Variants in CUBN observed in about 807,000 individuals in gnomAD.
CUBN encodes cubilin, also known as 460 kDa receptor.
In CUBN, 282 loss-of-function variants were observed where a neutral mutation model predicts 405.3. The ratio of observed to expected loss-of-function variants is 0.70; its 90% CI spans 0.63 to 0.77. The LOEUF (loss-of-function observed/expected upper bound fraction) is 0.77, where lower values mean the gene tolerates loss of function less well. Among genes scored for constraint, CUBN ranks in the 30% least tolerant of loss-of-function variants. The probability of loss-of-function intolerance (pLI) is 0.00; values close to 1 mark genes in which losing one functional copy is unlikely to be tolerated. For synonymous variants in CUBN, 1,684 were observed against 1,617.0 expected (o/e 1.04, Z -0.99); for missense variants, 4,514 against 4,475.2 (o/e 1.01, Z -0.25).
intron 54 of CUBN, among the ~76,000 whole-genome samples, chr10:16,896,239 C>T (rs780816): frequency 0.71 from 108,638 of 152,008 alleles, 39,607 homozygotes; most frequent in East Asian, 0.85. Flanking sequence ...ATTGTATGTA[C>T]ACATATTTTT....
chr10:17,125,672 G>A (rs1253585578), intron 4 of CUBN, among the ~76,000 whole-genome samples: 1 of 152,154 alleles, frequency 6.6e-6, no homozygotes, highest in Non-Finnish European at 1.5e-5. Flanking sequence ...GGACTGTGGT[G>A]GCCAGAGAGC....
rs1331955473 is a variant in CUBN at position 17,068,266 on chromosome 10, G to C, written c.2806C>G (p.Leu936Val). 1.2e-6 allele frequency: 2 copies of C among 1,613,578 alleles called. No homozygotes were observed. Residue 936 changes from leucine to valine, a missense_variant, in exon 21 of 67, where the codon CTT becomes GTT. Leu to Val is a conservative substitution (Grantham distance 32). Transcript: ENST00000377833. ...SAEDLACGEI[L>V]TESTGTIQSP... ...TGAATGGTCCCTGTTGATTCTGTAA[G>C]AATTTCTCCACATGCTGTTGAAATA...
Position 17,100,085 on chromosome 10 carries a change from T to C in CUBN, c.1685A>G (p.Asn562Ser), listed in dbSNP as rs141475297. The C allele has an allele frequency of 2.1e-5, 34 of 1,613,982 alleles. No homozygotes were observed. Among genetic ancestry groups the C allele is most frequent in the Admixed American group, 1.5e-4 (9 of 60,008 alleles). ...AGAATAGAGATGAAAATAGAGAGCA[T>C]TGTCACTGCTGAGGAGTTCATGAGG... ...SLPHELLSSD[N>S]ALYFHLYSEH... Residue 562 changes from asparagine (N) to serine (S), a missense_variant, in exon 14 of 67, where the codon AAT becomes AGT. Asn to Ser is a conservative substitution (Grantham distance 46). Around this residue, in one of 5 missense-constraint regions of CUBN, gnomAD observed 1,448 missense variants for 1,388.0 expected, o/e 1.04. Coordinates refer to ENST00000377833, the MANE Select transcript of CUBN (RefSeq NM_001081.4).
chr10:16,940,571 A>G (rs1485807682), intron 36 of CUBN, among the ~76,000 whole-genome samples: 2 of 152,246 alleles, frequency 1.3e-5, no homozygotes, highest in African/African-American at 4.8e-5. Context: ...AAGCAGAGGC[A>G]TCATATTTGA....
chr10:17,051,587 C>A (rs1249911860), intron 22 of CUBN, among the ~76,000 whole-genome samples: 1 of 150,350 alleles, frequency 6.7e-6, no homozygotes. Flanking sequence ...AAATTTTGGC[C>A]CAAAAAGGGA....
At chr10:17,102,254 T>C (rs763221788) in intron 13 of CUBN, among the ~76,000 whole-genome samples, 1 of 32,478 alleles carries the variant, frequency 3.1e-5, no homozygotes, top group Admixed American at 2.2e-4. Context: ...AGGATCCTCC[T>C]ATTTATTTAT....
chr10:16,900,902 G>A (rs779005681), intron 52 of CUBN, 52 bp from the exon 53 acceptor site: 12 of 1,179,254 alleles, frequency 1.0e-5, no homozygotes, highest in East Asian at 9.9e-5. Context: ...CAACTGTTAC[G>A]AAGATAAGGC....
chr10:16,937,512 C>T, intron 39 of CUBN, 80 bp downstream of exon 39: 2 of 1,204,016 alleles, frequency 1.7e-6, no homozygotes, highest in Middle Eastern at 2.3e-4. Context: ...TATATCTGAC[C>T]CCTGTTATGA....
chr10:16,991,810 A>C (rs897497017), intron 28 of CUBN, among the ~76,000 whole-genome samples: 2 of 152,188 alleles, frequency 1.3e-5, no homozygotes, highest in African/African-American at 2.4e-5. Flanking sequence ...AAACTAGTTC[A>C]ACCATTGTGG....
Position 17,071,883 on chromosome 10 carries a change from C to T in CUBN, c.2390G>A (p.Arg797Lys). 6.2e-7 allele frequency: 1 copy of T among 1,613,206 alleles called. No homozygotes were observed. The highest frequency in any genetic ancestry group is 8.5e-7 in the Non-Finnish European group (1 of 1,179,680). ...TTCAACAGAAGCATCTATTTTAAAC[C>T]TGATCCAGACACTATTAGTAATGGA... is the stretch of plus-strand genomic sequence containing the variant. ...IKSITNSVWI[R>K]FKIDASVEKA... Residue 797 changes from arginine to lysine, a missense_variant, in exon 18 of 67, where the codon AGG (arginine) becomes AAG (lysine). Arg to Lys is a conservative substitution (Grantham distance 26). Coordinates refer to ENST00000377833, the MANE Select transcript of CUBN (RefSeq NM_001081.4).
At chr10:16,951,162 C>T (rs1441095229) in intron 33 of CUBN, among the ~76,000 whole-genome samples, 1 of 152,172 alleles carries the variant, frequency 6.6e-6, no homozygotes, top group Non-Finnish European at 1.5e-5. Flanking sequence ...TCCTCAGGCA[C>T]AAACTTCTCA....
At chr10:16,987,409 G>A (rs1833457384) in intron 29 of CUBN, among the ~76,000 whole-genome samples, 1 of 152,222 alleles carries the variant, frequency 6.6e-6, no homozygotes, top group Non-Finnish European at 1.5e-5. Flanking sequence ...ACATTTCAAA[G>A]CCTATGGTTT....
intron 27 of CUBN, among the ~76,000 whole-genome samples, chr10:17,033,354 A>G (rs887412851): frequency 6.6e-6 from 1 of 152,196 alleles, no homozygotes; most frequent in Non-Finnish European, 1.5e-5. Context: ...TGTCCCTCCC[A>G]GCACTTAACG....
intron 62 of CUBN, among the ~76,000 whole-genome samples, chr10:16,839,716 G>T (rs1458677229): frequency 3.4e-5 from 5 of 146,654 alleles, no homozygotes; most frequent in Non-Finnish European, 7.6e-5. Context: ...CCATTACTGG[G>T]TATATACCCA....
At chr10:16,887,382 T>C (rs976744061) in intron 56 of CUBN, among the ~76,000 whole-genome samples, 6 of 152,238 alleles carry the variant, frequency 3.9e-5, no homozygotes, top group Non-Finnish European at 5.9e-5. Context: ...CTTGTATTCT[T>C]TAAAAATTGG....
intron 35 of CUBN, 33 bp downstream of exon 35, chr10:16,948,445 T>C (rs1842840782): frequency 1.2e-6 from 2 of 1,612,862 alleles, no homozygotes; most frequent in Non-Finnish European, 1.7e-6. Context: ...ACATCCCTTT[T>C]AACCGCTAGA....
At chr10:16,989,897 G>C (rs1176696808) in intron 29 of CUBN, among the ~76,000 whole-genome samples, 1 of 152,194 alleles carries the variant, frequency 6.6e-6, no homozygotes. Flanking sequence ...TCTTTCTGGG[G>C]GAGCTTTCTC....
chr10:16,923,170 C>A (rs560730434), intron 43 of CUBN, among the ~76,000 whole-genome samples: 1 of 152,084 alleles, frequency 6.6e-6, no homozygotes, highest in East Asian at 1.9e-4. Context: ...CTTTGCTTGT[C>A]TGTCTCCTTT....
At chr10:17,114,352 C>T (rs1229315257) in intron 7 of CUBN, among the ~76,000 whole-genome samples, 163 bp from the exon 8 acceptor site, 1 of 152,260 alleles carries the variant, frequency 6.6e-6, no homozygotes, top group South Asian at 2.1e-4. Flanking sequence ...AGCATTTAGA[C>T]CAGACCATGC....
Sources: allele counts gnomAD v4.1 joint callset (sites outside exome capture counted in the v4.1 genomes callset), GRCh38; gene constraint gnomAD v4.1.1; regional missense constraint gnomAD v4.1.1; transcripts MANE v1.5; gene names NCBI Gene and HGNC (gene_info 2026-07-23, HGNC 2026-07-21).